Variants in RIN3 observed in about 807,000 individuals in gnomAD.
RIN3 encodes RAB5 interacting protein 3.
Under a neutral mutation model 76.3 loss-of-function variants are expected in RIN3, and 54 were observed. The observed-to-expected ratio is 0.71, with a 90% CI of 0.57 to 0.89. The LOEUF (loss-of-function observed/expected upper bound fraction) is 0.89, where lower values mean the gene tolerates loss of function less well. Ranked by LOEUF, RIN3 falls within the 40% of genes least tolerant of loss-of-function variation. The pLI, the probability that RIN3 is intolerant of heterozygous loss-of-function variation, is 0.00. For missense variants in RIN3, 1,256 were observed against 1,322.1 expected (o/e 0.95, Z 0.78); for synonymous variants, 576 against 564.0 (o/e 1.02, Z -0.30).
intron 3 of RIN3, among the ~76,000 whole-genome samples, chr14:92,601,748 CT>C (rs1304580819): frequency 6.6e-6 from 1 of 152,188 alleles, no homozygotes; most frequent in Non-Finnish European, 1.5e-5. Context: ...AGCATCTCCC[CT>C]GACTCCTTCC....
At chr14:92,632,725 T>C (rs1326443325) in intron 4 of RIN3, among the ~76,000 whole-genome samples, 1 of 151,906 alleles carries the variant, frequency 6.6e-6, no homozygotes, top group East Asian at 1.9e-4. Context: ...CCTCCACATA[T>C]GGGAGACTTG....
intron 7 of RIN3, among the ~76,000 whole-genome samples, chr14:92,667,482 A>T (rs1888148177): frequency 6.6e-6 from 1 of 151,516 alleles, no homozygotes; most frequent in Non-Finnish European, 1.5e-5. Flanking sequence ...ACACCATTGC[A>T]CTCCAGCCTG....
At chr14:92,576,450 G>GT in intron 2 of RIN3, 1 of 1,263,394 alleles carries the variant, frequency 7.9e-7, no homozygotes, top group Non-Finnish European at 1.0e-6. Context: ...TCAGAAGAGA[G>GT]TAAACCTACA....
intron 3 of RIN3, among the ~76,000 whole-genome samples, chr14:92,607,608 C>T (rs1252400410): frequency 6.6e-6 from 1 of 152,114 alleles, no homozygotes; most frequent in African/African-American, 2.4e-5. Flanking sequence ...GACCCCTTCC[C>T]CAAAAAAGGA....
intron 4 of RIN3, among the ~76,000 whole-genome samples, chr14:92,619,403 T>C (rs527294431): frequency 3.3e-5 from 5 of 150,800 alleles, no homozygotes; most frequent in African/African-American, 1.2e-4. Flanking sequence ...ACTGTTCTTA[T>C]ATACCTTGCA....
Position 92,652,085 on chromosome 14 carries a change from T to C in RIN3, c.1036T>C (p.Cys346Arg), listed in dbSNP as rs1407735267. 7 of 1,546,354 alleles carry C rather than the reference T, an allele frequency of 4.5e-6. No individual in the cohort carries two copies. The highest frequency in any genetic ancestry group is 1.4e-5 in the African/African-American group (1 of 70,494). Reference sequence around the variant, plus strand: ...CATGATGACCTGCGAGAGACTCCCATGCCCCACTGCAGGCCTGGGCCCCCT... The same window carrying C: ...CATGATGACCTGCGAGAGACTCCCACGCCCCACTGCAGGCCTGGGCCCCCT... ...PPMMTCERLP[C>R]PTAGLGPLRE... The change falls in exon 6 of 10, where the codon TGC becomes CGC. Residue 346 changes from cysteine to arginine, a missense_variant. Transcript: ENST00000216487. This position sits in a 1 kb window ranked among gnomAD's most constrained non-coding sequence, Gnocchi z 6.4.
At position 92,652,162 on chromosome 14, in the gene RIN3, C is replaced by T. The variant is rs556296822; in HGVS notation, c.1113C>T (p.Val371=). The part of the protein sequence containing the change: ...PGAASSPLQQ[V]PAPPLPAKKN... ...CAGCCTCCAGTCCCTTGCAGCAGGT[C>T]CCCGCCCCGCCACTGCCTGCGAAGA... The change falls in exon 6 of 10, where the codon GTC becomes GTT. Residue 371 remains valine, a synonymous_variant. Coordinates refer to ENST00000216487, the MANE Select transcript of RIN3 (RefSeq NM_024832.5). The surrounding 1 kb of genome is among the most constrained non-coding windows in gnomAD (Gnocchi z 6.4). The T allele has an allele frequency of 7.5e-6, 12 of 1,595,768 alleles. No homozygotes were observed. In the South Asian group the frequency reaches 1.2e-4, roughly 16 times the overall value.
chr14:92,594,684 C>G (rs887572689), intron 3 of RIN3, among the ~76,000 whole-genome samples: 4 of 152,224 alleles, frequency 2.6e-5, no homozygotes, highest in East Asian at 3.8e-4. Flanking sequence ...GAGGAAAATT[C>G]ATAGCATTGA....
At chr14:92,682,945 C>T (rs1888718555) in intron 8 of RIN3, among the ~76,000 whole-genome samples, 1 of 152,288 alleles carries the variant, frequency 6.6e-6, no homozygotes, top group East Asian at 1.9e-4. Context: ...GCGGGTGGAT[C>T]ACTTGAGCTC....
At chr14:92,576,507 G>A (rs1384148928) in intron 2 of RIN3, 18 of 885,916 alleles carry the variant, frequency 2.0e-5, no homozygotes, top group Non-Finnish European at 2.7e-5. Flanking sequence ...GCATGCAGAG[G>A]CCTCATGGCA....
chr14:92,650,156 A>T (rs937890939), intron 5 of RIN3, among the ~76,000 whole-genome samples: 1 of 152,102 alleles, frequency 6.6e-6, no homozygotes, highest in Non-Finnish European at 1.5e-5. Context: ...CCACCCTGCT[A>T]CTCACCGATG....
chr14:92,571,019 G>A (rs972397438), intron 2 of RIN3, among the ~76,000 whole-genome samples: 1 of 152,354 alleles, frequency 6.6e-6, no homozygotes, highest in Middle Eastern at 3.4e-3. Flanking sequence ...AACTGGAGGT[G>A]TAAACAGACT....
chr14:92,657,124 C>T (rs1000166496), intron 6 of RIN3, among the ~76,000 whole-genome samples: 4 of 152,064 alleles, frequency 2.6e-5, no homozygotes, highest in African/African-American at 9.7e-5. Context: ...TTTGGGAGGC[C>T]GAGGAGGGCA....
chr14:92,584,156 G>T (rs987635155), intron 3 of RIN3, among the ~76,000 whole-genome samples: 4 of 152,114 alleles, frequency 2.6e-5, no homozygotes, highest in Admixed American at 2.6e-4. Context: ...GTTTCTGAGG[G>T]GGTGGGGGGG....
chr14:92,640,871 A>G (rs920038119), intron 4 of RIN3, among the ~76,000 whole-genome samples: 1 of 144,174 alleles, frequency 6.9e-6, no homozygotes, highest in African/African-American at 2.5e-5. Context: ...TGCTCACTGC[A>G]CATCTCAGTG....
intron 2 of RIN3, among the ~76,000 whole-genome samples, chr14:92,561,133 A>G (rs143050044): frequency 0.017 from 1,442 of 85,786 alleles, 39 homozygotes; most frequent in African/African-American, 0.054. Context: ...ATATATTTAT[A>G]TTTATATATA....
chr14:92,513,885 G>T lies in RIN3; in HGVS notation c.-48G>T. 3 of 1,244,424 alleles carry T rather than the reference G, an allele frequency of 2.4e-6. No homozygotes were observed. The highest frequency in any genetic ancestry group is 3.0e-6 in the Non-Finnish European group (3 of 991,982). 77.1% of individuals were successfully genotyped at this position (1,244,424 alleles called of 1,614,324 possible). A position where few individuals can be genotyped will look rare whatever the true frequency, so the allele number is the denominator to read the frequency against. On this transcript the variant is annotated 5_prime_UTR_variant, in exon 1 of 10. Coordinates refer to ENST00000216487, the MANE Select transcript of RIN3 (RefSeq NM_024832.5). ...CGCCCGGGACTCCGCGTTCCGCGCGGCCCGGCGCCTGAGCGCCTCCGTTCC... is the reference window on the plus strand; with the variant it reads ...CGCCCGGGACTCCGCGTTCCGCGCGTCCCGGCGCCTGAGCGCCTCCGTTCC...
chr14:92,624,230 A>G (rs542113847), intron 4 of RIN3, among the ~76,000 whole-genome samples: 3 of 152,366 alleles, frequency 2.0e-5, no homozygotes, highest in South Asian at 4.1e-4. Flanking sequence ...TGAAGAGACA[A>G]TGGTCTGGTT....
At chr14:92,569,712 G>A (rs1367861842) in intron 2 of RIN3, among the ~76,000 whole-genome samples, 29 of 152,056 alleles carry the variant, frequency 1.9e-4, no homozygotes, top group Non-Finnish European at 2.2e-4. Flanking sequence ...GAGAAGCATC[G>A]AAGGACAGCC....
Sources: gnomAD v4.1 joint callset for allele counts (sites outside exome capture counted in the v4.1 genomes callset) on GRCh38, gnomAD v4.1.1 for gene constraint, Gnocchi (gnomAD v3.1) non-coding constraint, MANE v1.5 for transcripts, NCBI Gene and HGNC (gene_info 2026-07-23, HGNC 2026-07-21) for gene names.